DHRS3: variants seen among roughly 807,000 people sequenced by gnomAD.
The protein encoded by DHRS3 is short-chain dehydrogenase/reductase 3.
Under a neutral mutation model 27.2 loss-of-function variants are expected in DHRS3, and 14 were observed. That is an observed-to-expected ratio of 0.52 (90% CI 0.34 to 0.81). The LOEUF (loss-of-function observed/expected upper bound fraction) is 0.81. DHRS3 is among the 30% of genes least tolerant of loss of function. The pLI is 0.01. For synonymous variants in DHRS3, 165 were observed against 175.9 expected (o/e 0.94, Z 0.49); for missense variants, 322 against 406.2 (o/e 0.79, Z 1.78).
At chr1:12,575,132 G>A (rs1646573748) in intron 4 of DHRS3, among the ~76,000 whole-genome samples, 1 of 152,056 alleles carries the variant, frequency 6.6e-6, no homozygotes, top group South Asian at 2.1e-4. Context: ...TTCAAGACCA[G>A]CCTGGGCAAC....
At position 12,607,266 on chromosome 1, in the gene DHRS3, A is replaced by T. The variant is rs563805269; in HGVS notation, c.195+9888T>A. Among the ~76,000 whole-genome samples, 4 of 152,268 alleles carry T rather than the reference A, an allele frequency of 2.6e-5. No homozygotes were observed. In the East Asian group the frequency reaches 7.7e-4, roughly 29 times the overall value. On this transcript the variant is annotated intron_variant, in intron 1 of 5. Transcript: ENST00000616661. ...TGTTTCTAACTTCCTTTTGTTTCTT[A>T]ATCTTAAAAAATCTTTAAAGGGTGA...
intron 1 of DHRS3, among the ~76,000 whole-genome samples, chr1:12,585,158 T>A (rs1201668570): frequency 6.6e-6 from 1 of 151,740 alleles, no homozygotes; most frequent in African/African-American, 2.4e-5. Flanking sequence ...AGTGTGTCTC[T>A]GTGTGTCTGT....
intron 1 of DHRS3, among the ~76,000 whole-genome samples, chr1:12,589,206 TC>T (rs1236390029): frequency 6.6e-6 from 1 of 152,030 alleles, no homozygotes; most frequent in African/African-American, 2.4e-5. Context: ...TACTAGAATT[TC>T]CCCCTTTCAC....
rs962907634 is a variant in DHRS3 at position 12,593,391 on chromosome 1, C to CG, written c.196-12726dup. 3.3e-5 allele frequency among the ~76,000 whole-genome samples: 5 copies of CG among 152,004 alleles called. No homozygotes were observed. The highest frequency in any genetic ancestry group is 7.4e-5 in the Non-Finnish European group (5 of 67,998). ...TTATGATTATTATTATTTGTAGAGA[C>CG]GGGGGTATCACATTGTTGCCCAGGC... On this transcript the variant is annotated intron_variant, in intron 1 of 5. Coordinates refer to ENST00000616661, the MANE Select transcript of DHRS3 (RefSeq NM_004753.7). This position sits in a 1 kb window ranked among gnomAD's most constrained non-coding sequence, Gnocchi z 4.6.
intron 1 of DHRS3, among the ~76,000 whole-genome samples, chr1:12,610,899 G>A (rs113475523): frequency 6.6e-6 from 1 of 152,210 alleles, no homozygotes; most frequent in East Asian, 1.9e-4. Context: ...GGATAAGGGA[G>A]AACGTGTAGG....
chr1:12,617,334 C>A lies in DHRS3; in HGVS notation c.15G>T (p.Arg5=). 1 of 1,602,724 alleles carries A rather than the reference C, an allele frequency of 6.2e-7. No individual in the cohort carries two copies. The highest frequency in any genetic ancestry group is 1.3e-5 in the African/African-American group (1 of 74,724). MVWK[R]LGALVMFPLQ... Reference sequence around the variant, plus strand: ...GAGGGAACATCACCAGCGCGCCCAGCCGTTTCCACACCATCCTCCGCGCCG... The same window carrying A: ...GAGGGAACATCACCAGCGCGCCCAGACGTTTCCACACCATCCTCCGCGCCG... The change falls in exon 1 of 6, where the codon CGG becomes CGT. Residue 5 remains arginine (R), a synonymous_variant. Transcript: ENST00000616661.
Position 12,569,801 on chromosome 1 carries a change from G to C in DHRS3, c.825-1377C>G, listed in dbSNP as rs981917142. Among the ~76,000 whole-genome samples, 5 of 152,206 alleles carry C rather than the reference G, an allele frequency of 3.3e-5. No individual in the cohort carries two copies. The East Asian group carries it at 5.8e-4, about 18-fold the overall frequency. On this transcript the variant is annotated intron_variant, in intron 5 of 5. Transcript: ENST00000616661. ...GGCTGGTCTTGAACTCCTGACCTCAGGTGATCTGCCTGCCTCGGCCTTCCA... is the reference window on the plus strand; with the variant it reads ...GGCTGGTCTTGAACTCCTGACCTCACGTGATCTGCCTGCCTCGGCCTTCCA...
rs1646952318 is a variant in DHRS3 at position 12,617,454 on chromosome 1, G to A, written c.-106C>T. ...AATAGTAAACCGAATAAGGAGGAGA[G>A]AGGCGTCCCACCTGGCCACTCTTGA... On this transcript the variant is annotated 5_prime_UTR_variant, in exon 1 of 6. Coordinates refer to ENST00000616661, the MANE Select transcript of DHRS3 (RefSeq NM_004753.7). 20 of 1,201,584 alleles carry A rather than the reference G, an allele frequency of 1.7e-5. No homozygotes were observed. The highest frequency in any genetic ancestry group is 3.2e-5 in the African/African-American group (2 of 62,020). The allele number at this position is 1,201,584 out of a possible 1,614,324, so 74.4% of individuals were successfully genotyped here. A position where few individuals can be genotyped will look rare whatever the true frequency, so the allele number is the denominator to read the frequency against.
At chr1:12,600,909 A>G (rs1240766131) in intron 1 of DHRS3, among the ~76,000 whole-genome samples, 1 of 145,368 alleles carries the variant, frequency 6.9e-6, no homozygotes, top group Non-Finnish European at 1.5e-5. Flanking sequence ...TTGAACTACA[A>G]TCTCCTTGAA....
At position 12,586,501 on chromosome 1, in the gene DHRS3, G is replaced by A. The variant is rs936526991; in HGVS notation, c.196-5835C>T. On this transcript the variant is annotated intron_variant, in intron 1 of 5. Coordinates refer to ENST00000616661, the MANE Select transcript of DHRS3 (RefSeq NM_004753.7). The surrounding 1 kb of genome is among the most constrained non-coding windows in gnomAD (Gnocchi z 5.0). Reference sequence around the variant, plus strand: ...CACGGACAGCCGGCTATGGGCTGGGGTGGTGATCCAACAGAGAATGAAGCA... The same window carrying A: ...CACGGACAGCCGGCTATGGGCTGGGATGGTGATCCAACAGAGAATGAAGCA... Among the ~76,000 whole-genome samples, 1 of 152,242 alleles carries A rather than the reference G, an allele frequency of 6.6e-6. No individual in the cohort carries two copies. Among genetic ancestry groups the A allele is most frequent in the Non-Finnish European group, 1.5e-5 (1 of 68,042 alleles).
At chr1:12,595,668 G>T (rs1646790177) in intron 1 of DHRS3, among the ~76,000 whole-genome samples, 1 of 151,514 alleles carries the variant, frequency 6.6e-6, no homozygotes, top group Non-Finnish European at 1.5e-5. Flanking sequence ...ACAGGTTGGG[G>T]TCCTGGGCCG....
rs1184006932 is a variant in DHRS3 at position 12,617,714 on chromosome 1, G to A, written c.-366C>T. ...AGACTGACAGAGGAGTTTAGGGAGG[G>A]GAAGAAAAAAAAAAAAAGGCACCAA... On this transcript the variant is annotated 5_prime_UTR_variant, in exon 1 of 6. Coordinates refer to ENST00000616661, the MANE Select transcript of DHRS3 (RefSeq NM_004753.7). The A allele has an allele frequency of 6.9e-6, 1 of 144,316 alleles. No individual in the cohort carries two copies. The highest frequency in any genetic ancestry group is 8.1e-5 in the Admixed American group (1 of 12,314). The allele number at this position is 144,316 out of a possible 1,614,324, so 8.9% of individuals were successfully genotyped here. A position where few individuals can be genotyped will look rare whatever the true frequency, so the allele number is the denominator to read the frequency against.
chr1:12,582,854 C>CATCT (rs1253946984), intron 1 of DHRS3, among the ~76,000 whole-genome samples: 7 of 151,120 alleles, frequency 4.6e-5, no homozygotes, highest in African/African-American at 1.7e-4. Context: ...TCCATCCATC[C>CATCT]ATCCATCCAT....
rs1366378393 is a variant in DHRS3, at chr1:12,568,216, G to T, written c.*124C>A. Reference sequence around the variant, plus strand: ...TGGCCCAGGGGCAGCCGGATTCTTCGCTGGGGACAGGAGCTGTCCTGCTCA... The same window carrying T: ...TGGCCCAGGGGCAGCCGGATTCTTCTCTGGGGACAGGAGCTGTCCTGCTCA... On this transcript the variant is annotated 3_prime_UTR_variant, in exon 6 of 6. Transcript: ENST00000616661. 4.3e-6 allele frequency: 4 copies of T among 927,310 alleles called. No individual in the cohort carries two copies. In the African/African-American group the frequency reaches 6.5e-5, roughly 15 times the overall value. The allele number at this position is 927,310 out of a possible 1,614,324, so 57.4% of individuals were successfully genotyped here. A position where few individuals can be genotyped will look rare whatever the true frequency, so the allele number is the denominator to read the frequency against.
At position 12,615,608 on chromosome 1, in the gene DHRS3, G is replaced by A. The variant is rs527763514; in HGVS notation, c.195+1546C>T. Among the ~76,000 whole-genome samples the A allele has an allele frequency of 2.6e-5, 4 of 152,264 alleles. No homozygotes were observed. The East Asian group carries it at 7.7e-4, about 29-fold the overall frequency. On this transcript the variant is annotated intron_variant, in intron 1 of 5. Transcript: ENST00000616661. ...GAACAGTAAAAGAGACCCAGGACTT[G>A]GGCCAGCTGGAAGACTCAGAAAAAA... is the stretch of plus-strand genomic sequence containing the variant.
Position 12,578,874 on chromosome 1 carries a change from G to C in DHRS3, c.542C>G (p.Ala181Gly). 1 of 1,613,918 alleles carries C rather than the reference G, an allele frequency of 6.2e-7. No individual in the cohort carries two copies. Among genetic ancestry groups the C allele is most frequent in the Non-Finnish European group, 8.5e-7 (1 of 1,180,004 alleles). The change falls in exon 4 of 6, where the codon GCC becomes GGC. Residue 181 changes from alanine (A) to glycine (G), a missense_variant. By Grantham distance (60) the Ala-to-Gly change is moderately conservative (BLOSUM62 0). Coordinates refer to ENST00000616661, the MANE Select transcript of DHRS3 (RefSeq NM_004753.7). The surrounding 1 kb of genome is among the most constrained non-coding windows in gnomAD (Gnocchi z 4.5). The part of the protein sequence containing the change: ...VCLNSVLALS[A>G]IPGAIDYCTS... ...GCAGTAGTCGATGGCACCGGGGATG[G>C]CAGACAGTGCCAGCACGGAGTTGAG...
intron 4 of DHRS3, among the ~76,000 whole-genome samples, chr1:12,573,322 G>A (rs1360862390): frequency 6.6e-6 from 1 of 152,166 alleles, no homozygotes; most frequent in Non-Finnish European, 1.5e-5. Context: ...GACATTTCAG[G>A]CCAGTCCATC....
rs926095853 is a variant in DHRS3 at position 12,591,390 on chromosome 1, C to G, written c.196-10724G>C. The stretch of plus-strand genomic sequence containing the variant: ...GCTCCAGGCCCCTGTTTTGGCCTGC[C>G]GAGAATGTTTTGGCTACCGCTGGCT... On this transcript the variant is annotated intron_variant, in intron 1 of 5. Transcript: ENST00000616661. This position sits in a 1 kb window ranked among gnomAD's most constrained non-coding sequence, Gnocchi z 4.1. Among the ~76,000 whole-genome samples, 1 of 152,194 alleles carries G rather than the reference C, an allele frequency of 6.6e-6. No homozygotes were observed. The highest frequency in any genetic ancestry group is 1.5e-5 in the Non-Finnish European group (1 of 68,040).
intron 4 of DHRS3, among the ~76,000 whole-genome samples, chr1:12,573,947 T>C (rs1646563102): frequency 6.6e-6 from 1 of 152,086 alleles, no homozygotes; most frequent in Non-Finnish European, 1.5e-5. Flanking sequence ...CCTTCCTGGA[T>C]CTATAGGTGC....
Sources: allele counts gnomAD v4.1 joint callset (sites outside exome capture counted in the v4.1 genomes callset), GRCh38; gene constraint gnomAD v4.1.1; non-coding constraint Gnocchi (gnomAD v3.1); transcripts MANE v1.5; gene names NCBI Gene and HGNC (gene_info 2026-07-23, HGNC 2026-07-21).